The following ASIC2 variants were observed in gnomAD, a reference collection of about 807,000 sequenced individuals.
ASIC2 encodes acid sensing ion channel subunit 2, also known as acid-sensing ion channel 2.
Under a neutral mutation model 57.3 loss-of-function variants are expected in ASIC2, and 25 were observed. The observed-to-expected ratio is 0.44, with a 90% confidence interval of 0.32 to 0.61. ASIC2 has a LOEUF of 0.61. Ranked by LOEUF, ASIC2 falls within the 20% of genes least tolerant of loss-of-function variation. The pLI, the probability that ASIC2 is intolerant of heterozygous loss-of-function variation, is 0.06. For missense variants in ASIC2, 641 were observed against 738.1 expected, an observed-to-expected ratio of 0.87 and a Z score of 1.52; for synonymous variants, 319 against 307.5, an observed-to-expected ratio of 1.04 and a Z score of -0.39.
intron 1 of ASIC2, among the ~76,000 whole-genome samples, chr17:33,811,817 C>T (rs1033307895): frequency 2.6e-5 from 4 of 152,196 alleles, no homozygotes; most frequent in Non-Finnish European, 4.4e-5. Flanking sequence ...GACCACAACT[C>T]CAAAGTTAAT....
At position 33,626,495 on chromosome 17, in the gene ASIC2, G is replaced by A. The variant is rs138338515; in HGVS notation, c.556-514428C>T. ...TACATTTTTTCTAATAAACATAAAA[G>A]TGAACAGTCACTATTTAACGAAATG... is the stretch of plus-strand genomic sequence containing the variant. On this transcript the variant is annotated intron_variant, in intron 1 of 9. Transcript: ENST00000359872. 6.4e-3 allele frequency among the ~76,000 whole-genome samples: 980 copies of A among 152,202 alleles called. 15 individuals are homozygous for A. Among genetic ancestry groups the A allele is most frequent in the African/African-American group, 0.023 (935 of 41,514 alleles).
rs567751775 is a variant in ASIC2 at position 33,571,354 on chromosome 17, GC to G, written c.556-459288del. Among the ~76,000 whole-genome samples, 235 of 152,266 alleles carry G rather than the reference GC, an allele frequency of 1.5e-3. 1 individual carries two copies. The highest frequency in any genetic ancestry group is 5.6e-3 in the African/African-American group (231 of 41,546). On this transcript the variant is annotated intron_variant, in intron 1 of 9. Coordinates refer to the ASIC2 transcript ENST00000359872. ...TTGTTGTTTTGTTCACTTGTGCATT[GC>G]CTGTTTTCCACCAAAACAACAGTTT...
chr17:34,004,650 G>A (rs1047368324), intron 1 of ASIC2: 1 of 152,168 alleles, frequency 6.6e-6, no homozygotes, highest in Non-Finnish European at 1.5e-5. Flanking sequence ...CTTCTGTTTA[G>A]TGAGAATAAG....
chr17:33,511,084 C>A (rs1407192865), intron 1 of ASIC2, among the ~76,000 whole-genome samples: 1 of 152,172 alleles, frequency 6.6e-6, no homozygotes, highest in East Asian at 1.9e-4. Context: ...TTTGGAGATG[C>A]TGAGCCTTTT....
intron 1 of ASIC2, among the ~76,000 whole-genome samples, chr17:33,302,225 T>G (rs916992709): frequency 2.0e-5 from 3 of 152,184 alleles, no homozygotes; most frequent in Admixed American, 2.0e-4. Context: ...CAATTTGCTG[T>G]CCCATACACA....
intron 1 of ASIC2, among the ~76,000 whole-genome samples, chr17:33,418,050 G>GTT (rs1910920286): frequency 3.3e-5 from 3 of 90,660 alleles, no homozygotes; most frequent in African/African-American, 1.2e-4. Flanking sequence ...GTGTGTGTGT[G>GTT]TGTGTGTGTG....
At chr17:33,412,016 C>CAAACAAAACA (rs200144290) in intron 1 of ASIC2, among the ~76,000 whole-genome samples, 5 of 151,812 alleles carry the variant, frequency 3.3e-5, no homozygotes, top group African/African-American at 1.2e-4. Flanking sequence ...AAGAAAAATG[C>CAAACAAAACA]AAACAAAACA....
intron 1 of ASIC2, among the ~76,000 whole-genome samples, chr17:33,318,022 G>A (rs563328559): frequency 2.4e-4 from 36 of 152,102 alleles, no homozygotes; most frequent in African/African-American, 8.2e-4. Flanking sequence ...CAAAGTCACC[G>A]TCTTTAGGAA....
intron 1 of ASIC2, among the ~76,000 whole-genome samples, chr17:33,757,109 G>A (rs1038081533): frequency 5.9e-5 from 9 of 152,170 alleles, no homozygotes; most frequent in Non-Finnish European, 1.0e-4. Context: ...GAGGGAGAAC[G>A]CCCAGGGAGT....
chr17:33,324,863 A>C (rs1907007872), intron 1 of ASIC2, among the ~76,000 whole-genome samples: 1 of 151,980 alleles, frequency 6.6e-6, no homozygotes, highest in African/African-American at 2.4e-5. Context: ...TGCCCTTCTC[A>C]CTCCATTCAC....
chr17:33,341,668 A>T (rs1450710243), intron 1 of ASIC2, among the ~76,000 whole-genome samples: 1 of 152,210 alleles, frequency 6.6e-6, no homozygotes, highest in Non-Finnish European at 1.5e-5. Context: ...ACTATAGTTT[A>T]ATCTTCCTTT....
intron 1 of ASIC2, 60 bp downstream of exon 1, chr17:33,291,348 C>T: frequency 6.5e-7 from 1 of 1,532,692 alleles, no homozygotes; most frequent in Non-Finnish European, 8.7e-7. Flanking sequence ...GAACACCAGG[C>T]CTCCTGACTG....
chr17:33,349,815 T>C (rs1908086504), intron 1 of ASIC2, among the ~76,000 whole-genome samples: 1 of 152,262 alleles, frequency 6.6e-6, no homozygotes, highest in African/African-American at 2.4e-5. Context: ...ACATTCCTGG[T>C]TTCCCATTAG....
intron 1 of ASIC2, among the ~76,000 whole-genome samples, chr17:33,660,080 C>A (rs944856487): frequency 2.0e-5 from 3 of 151,416 alleles, no homozygotes; most frequent in Non-Finnish European, 4.4e-5. Context: ...GAGACTCTGT[C>A]GCAAAAAACA....
At chr17:33,965,194 A>C (rs1905040717) in intron 1 of ASIC2, among the ~76,000 whole-genome samples, 2 of 152,208 alleles carry the variant, frequency 1.3e-5, no homozygotes, top group African/African-American at 4.8e-5. Context: ...CTGATATTCC[A>C]CTTTATAGAT....
At chr17:33,041,099 C>T (rs565509882) in intron 3 of ASIC2, among the ~76,000 whole-genome samples, 1 of 152,266 alleles carries the variant, frequency 6.6e-6, no homozygotes, top group Admixed American at 6.5e-5. Context: ...AGCCCTGGAG[C>T]CTGTTCTCTC....
intron 1 of ASIC2, among the ~76,000 whole-genome samples, chr17:34,062,851 C>G (rs1567805615): frequency 6.6e-6 from 1 of 152,006 alleles, no homozygotes; most frequent in Non-Finnish European, 1.5e-5. Flanking sequence ...AGATCAAAAC[C>G]AGCAGTGAGA....
chr17:33,998,667 T>G (rs1022338693), intron 1 of ASIC2, among the ~76,000 whole-genome samples: 1 of 152,204 alleles, frequency 6.6e-6, no homozygotes, highest in African/African-American at 2.4e-5. Flanking sequence ...TCCAAATATT[T>G]GTGAATTTTT....
intron 1 of ASIC2, among the ~76,000 whole-genome samples, chr17:33,367,512 G>T (rs1437307886): frequency 1.3e-5 from 2 of 152,156 alleles, no homozygotes. Context: ...TGCCAAGGGA[G>T]GGGCAACTGC....
Sources: allele counts gnomAD v4.1 joint callset (sites outside exome capture counted in the v4.1 genomes callset), GRCh38; gene constraint gnomAD v4.1.1; transcripts MANE v1.5; gene names NCBI Gene and HGNC (gene_info 2026-07-23, HGNC 2026-07-21).